The following PIP5K1B variants were observed in gnomAD, a reference collection of about 807,000 sequenced individuals.
The protein encoded by PIP5K1B is phosphatidylinositol 4-phosphate 5-kinase type-1 beta.
Under a neutral mutation model 67.0 loss-of-function variants are expected in PIP5K1B, and 42 were observed. The ratio of observed to expected loss-of-function variants is 0.63; its 90% confidence interval spans 0.49 to 0.81. The LOEUF is 0.81. PIP5K1B is among the 30% of genes least tolerant of loss of function. The probability of loss-of-function intolerance (pLI) is 0.00; values close to 1 mark genes in which losing one functional copy is unlikely to be tolerated. For synonymous variants in PIP5K1B, 214 were observed against 231.4 expected (o/e 0.92, Z 0.68); for missense variants, 459 against 646.3 (o/e 0.71, Z 3.14).
intron 1 of PIP5K1B, among the ~76,000 whole-genome samples, chr9:68,713,007 A>G (rs190518489): frequency 2.3e-4 from 35 of 152,352 alleles, no homozygotes; most frequent in African/African-American, 7.2e-4. Flanking sequence ...AACATCAGCT[A>G]CATCAACAGT....
At chr9:68,804,453 G>A (rs761754044) in intron 2 of PIP5K1B, among the ~76,000 whole-genome samples, 11 of 152,130 alleles carry the variant, frequency 7.2e-5, no homozygotes, top group Non-Finnish European at 1.0e-4. Flanking sequence ...GGAAATAAGC[G>A]AAGTCTTCAA....
At chr9:68,804,114 A>C (rs1034160017) in intron 2 of PIP5K1B, among the ~76,000 whole-genome samples, 1 of 152,152 alleles carries the variant, frequency 6.6e-6, no homozygotes, top group Non-Finnish European at 1.5e-5. Flanking sequence ...GACTTTGAGC[A>C]TAAAGGGAGT....
intron 2 of PIP5K1B, among the ~76,000 whole-genome samples, chr9:68,807,635 G>A (rs1195555601): frequency 1.3e-5 from 2 of 152,128 alleles, no homozygotes; most frequent in Admixed American, 1.3e-4. Flanking sequence ...GCTGCTACAG[G>A]AACAAAGGCA....
At chr9:68,786,884 C>A (rs2132480494) in intron 2 of PIP5K1B, among the ~76,000 whole-genome samples, 1 of 152,302 alleles carries the variant, frequency 6.6e-6, no homozygotes, top group Admixed American at 6.5e-5. Flanking sequence ...GGTAACCATT[C>A]TCTTAAGGCG....
At chr9:68,904,393 A>C (rs925289284) in intron 8 of PIP5K1B, among the ~76,000 whole-genome samples, 1 of 152,230 alleles carries the variant, frequency 6.6e-6, no homozygotes, top group Non-Finnish European at 1.5e-5. Flanking sequence ...CTTGGTTTGG[A>C]CAGGACAATG....
intron 2 of PIP5K1B, chr9:68,789,401 G>A: frequency 2.3e-6 from 1 of 434,634 alleles, no homozygotes. Flanking sequence ...ACATAGTCCT[G>A]AAATGTGTCC....
chr9:68,995,439 G>A lies in PIP5K1B; in HGVS notation c.1620+4182G>A, dbSNP rs188132544. Among the ~76,000 whole-genome samples the A allele has an allele frequency of 4.1e-3, 628 of 151,968 alleles. 3 individuals are homozygous for A. Among genetic ancestry groups the A allele is most frequent in the Non-Finnish European group, 4.1e-3 (276 of 67,960 alleles). Reference sequence around the variant, plus strand: ...TGGAAAATTTTATTTTTTGTTTTGCGTGCTCTTCTAGATCAGAAAGGGTAC... The same window carrying A: ...TGGAAAATTTTATTTTTTGTTTTGCATGCTCTTCTAGATCAGAAAGGGTAC... On this transcript the variant is annotated intron_variant, in intron 15 of 15. Transcript: ENST00000265382.
intron 5 of PIP5K1B, among the ~76,000 whole-genome samples, chr9:68,872,863 G>A (rs1485361034): frequency 6.6e-6 from 1 of 152,132 alleles, no homozygotes; most frequent in Non-Finnish European, 1.5e-5. Context: ...CCATTGTGTA[G>A]CTGAATCATA....
At chr9:68,932,195 C>T (rs1827038715) in intron 12 of PIP5K1B, among the ~76,000 whole-genome samples, 1 of 152,172 alleles carries the variant, frequency 6.6e-6, no homozygotes, top group Admixed American at 6.5e-5. Flanking sequence ...GATCGCATTT[C>T]CTTGGTACTG....
chr9:69,008,083 G>A (rs992815765), intron 15 of PIP5K1B, among the ~76,000 whole-genome samples: 1 of 152,124 alleles, frequency 6.6e-6, no homozygotes, highest in African/African-American at 2.4e-5. Flanking sequence ...CAAGTTCAAG[G>A]CCATGTTCAA....
At chr9:68,918,004 G>T (rs951971361) in intron 9 of PIP5K1B, among the ~76,000 whole-genome samples, 26 of 151,516 alleles carry the variant, frequency 1.7e-4, no homozygotes, top group South Asian at 2.1e-4. Flanking sequence ...AAATGTTTTT[G>T]TCCCCATTAA....
chr9:68,726,162 T>A (rs1828138922), intron 1 of PIP5K1B, among the ~76,000 whole-genome samples: 1 of 152,234 alleles, frequency 6.6e-6, no homozygotes, highest in Non-Finnish European at 1.5e-5. Flanking sequence ...GGATAAATGC[T>A]TGAGGTGATA....
intron 2 of PIP5K1B, among the ~76,000 whole-genome samples, chr9:68,792,495 TTTG>T (rs1587458999): frequency 1.3e-5 from 2 of 150,030 alleles, no homozygotes; most frequent in East Asian, 3.9e-4. Context: ...TTTGTTTGTT[TTTG>T]AGACAGAGTC....
At chr9:68,906,864 A>C (rs893097254) in intron 8 of PIP5K1B, among the ~76,000 whole-genome samples, 1 of 152,226 alleles carries the variant, frequency 6.6e-6, no homozygotes, top group Admixed American at 6.5e-5. Flanking sequence ...TTCTTTAGAC[A>C]CAGAGATTCT....
At chr9:68,987,286 AGGCGT>A (rs1830133153) in intron 14 of PIP5K1B, among the ~76,000 whole-genome samples, 1 of 150,894 alleles carries the variant, frequency 6.6e-6, no homozygotes, top group East Asian at 2.0e-4. Flanking sequence ...TGTTGGGGCC[AGGCGT>A]GGCGGCTTAT....
At chr9:68,792,214 CT>C (rs1832012661) in intron 2 of PIP5K1B, among the ~76,000 whole-genome samples, 2 of 152,210 alleles carry the variant, frequency 1.3e-5, no homozygotes, top group South Asian at 2.1e-4. Context: ...GGGACTAAGC[CT>C]TTTATTTATG....
chr9:68,892,086 A>G (rs1408231442), intron 7 of PIP5K1B, among the ~76,000 whole-genome samples: 1 of 152,204 alleles, frequency 6.6e-6, no homozygotes, highest in East Asian at 1.9e-4. Flanking sequence ...ATTGAAGGAC[A>G]TAAAGAAGAT....
intron 13 of PIP5K1B, chr9:68,935,943 G>A (rs577859073): frequency 1.4e-4 from 21 of 152,240 alleles, no homozygotes; most frequent in South Asian, 4.1e-4. Context: ...TCTCTGTATC[G>A]TTCCAATTTT....
intron 7 of PIP5K1B, 57 bp downstream of exon 7, chr9:68,889,190 A>T: frequency 1.4e-6 from 2 of 1,389,434 alleles, no homozygotes; most frequent in South Asian, 1.3e-5. Flanking sequence ...TTTCCTCAAC[A>T]GTTTTTTTCT....
Sources: gnomAD v4.1 joint callset for allele counts (sites outside exome capture counted in the v4.1 genomes callset) on GRCh38, gnomAD v4.1.1 for gene constraint, MANE v1.5 for transcripts, NCBI Gene and HGNC (gene_info 2026-07-23, HGNC 2026-07-21) for gene names.